NEDD4L: variants seen among roughly 807,000 people sequenced by gnomAD.
The protein encoded by NEDD4L is NEDD4 like E3 ubiquitin protein ligase.
NEDD4L carries 54 observed loss-of-function variants against 148.9 expected under a neutral mutation model. The ratio of observed to expected loss-of-function variants is 0.36; its 90% confidence interval spans 0.29 to 0.45. The LOEUF (loss-of-function observed/expected upper bound fraction) is 0.45, where lower values mean the gene tolerates loss of function less well. Among genes scored for constraint, NEDD4L ranks in the 20% least tolerant of loss-of-function variants. NEDD4L has a pLI of 1.00. For synonymous variants in NEDD4L, 433 were observed against 440.7 expected, an observed-to-expected ratio of 0.98 and a Z score of 0.22; for missense variants, 856 against 1,233.8, an observed-to-expected ratio of 0.69 and a Z score of 4.59.
chr18:58,334,047 A>T (rs1337247115), intron 12 of NEDD4L, 155 bp downstream of exon 12: 1 of 510,836 alleles, frequency 2.0e-6, no homozygotes, highest in East Asian at 3.1e-5. Context: ...AGGAAAGTGG[A>T]TTTCCAATAC....
At chr18:58,368,596 C>T (rs894140576) in intron 22 of NEDD4L, among the ~76,000 whole-genome samples, 1 of 152,168 alleles carries the variant, frequency 6.6e-6, no homozygotes, top group African/African-American at 2.4e-5. Flanking sequence ...ATTGACATTG[C>T]AGTAACTTAT....
intron 16 of NEDD4L, among the ~76,000 whole-genome samples, chr18:58,344,029 T>C (rs2042755633): frequency 6.6e-6 from 1 of 152,252 alleles, no homozygotes; most frequent in South Asian, 2.1e-4. Flanking sequence ...CCTACTATTA[T>C]CTGTGCTACT....
chr18:58,116,986 G>A (rs2145755618), intron 1 of NEDD4L, among the ~76,000 whole-genome samples: 1 of 152,358 alleles, frequency 6.6e-6, no homozygotes, highest in East Asian at 1.9e-4. Context: ...GAATATGCTG[G>A]ACAGAGCTTC....
chr18:58,163,808 A>G (rs905453855), intron 1 of NEDD4L, among the ~76,000 whole-genome samples: 1 of 152,174 alleles, frequency 6.6e-6, no homozygotes, highest in African/African-American at 2.4e-5. Flanking sequence ...ATGTGTGTCC[A>G]TTGCATGAAT....
In NEDD4L at chr18:58,366,140, G is replaced by A. The variant is rs1207997677; in HGVS notation, c.1975G>A (p.Asp659Asn). 1 of 1,613,596 alleles carries A rather than the reference G, an allele frequency of 6.2e-7. No homozygotes were observed. The highest frequency in any genetic ancestry group is 8.5e-7 in the Non-Finnish European group (1 of 1,179,796). ...WIEFESEKGL[D>N]YGGVAREWFF... ...TGAGTTTGAATCAGAGAAAGGTCTT[G>A]ACTATGGGGGTGTGGCCAGAGAATG... The change falls in exon 21 of 31, where the codon GAC becomes AAC. Residue 659 changes from aspartate (D) to asparagine (N), a missense_variant. This residue lies in a region of NEDD4L where 286 missense variants were observed against 531.8 expected (regional missense o/e 0.54). Coordinates refer to ENST00000400345, the MANE Select transcript of NEDD4L (RefSeq NM_001144967.3). This position sits in a 1 kb window ranked among gnomAD's most constrained non-coding sequence, Gnocchi z 4.2.
chr18:58,351,179 G>T, intron 18 of NEDD4L, 134 bp downstream of exon 18: 1 of 1,506,508 alleles, frequency 6.6e-7, no homozygotes. Flanking sequence ...AATGATACCA[G>T]AGAATCAGTG....
At chr18:58,235,366 G>A (rs530891544) in intron 2 of NEDD4L, among the ~76,000 whole-genome samples, 6 of 152,206 alleles carry the variant, frequency 3.9e-5, no homozygotes, top group East Asian at 1.9e-4. Context: ...GCTCAGCAGC[G>A]TCCCTCTCTG....
chr18:58,378,512 A>T (rs1392452015), intron 24 of NEDD4L, among the ~76,000 whole-genome samples: 1 of 152,222 alleles, frequency 6.6e-6, no homozygotes, highest in Non-Finnish European at 1.5e-5. Flanking sequence ...CCTTCAGGCC[A>T]GTCAGGGACA....
At chr18:58,061,669 C>T (rs1488956843) in intron 1 of NEDD4L, among the ~76,000 whole-genome samples, 3 of 151,988 alleles carry the variant, frequency 2.0e-5, no homozygotes, top group Non-Finnish European at 4.4e-5. Context: ...GAACATTTAC[C>T]ATCTTTTGCT....
intron 27 of NEDD4L, 118 bp downstream of exon 27, chr18:58,387,616 G>A (rs925475432): frequency 7.1e-6 from 8 of 1,134,096 alleles, no homozygotes; most frequent in Middle Eastern, 3.0e-4. Context: ...AACTTTAGAT[G>A]AATTATATTA....
At chr18:58,253,705 CTT>C (rs1171023607) in intron 5 of NEDD4L, among the ~76,000 whole-genome samples, 1 of 152,124 alleles carries the variant, frequency 6.6e-6, no homozygotes, top group East Asian at 1.9e-4. Context: ...AAAATGGCCT[CTT>C]GTTTGATGTG....
chr18:58,339,320 T>A lies in NEDD4L; in HGVS notation c.1126-1718T>A, dbSNP rs548246742. On this transcript the variant is annotated intron_variant, in intron 13 of 30. Transcript: ENST00000400345. ...CCAGAGATACTAATTGACCAGGAAC[T>A]TAGGTTACAACTTAGCTCAGCAGGG... is the stretch of plus-strand genomic sequence containing the variant. 5.3e-5 allele frequency among the ~76,000 whole-genome samples: 8 copies of A among 152,282 alleles called. No homozygotes were observed. The South Asian group carries it at 1.2e-3, about 24-fold the overall frequency.
chr18:58,163,279 G>A (rs1254926765), intron 1 of NEDD4L, among the ~76,000 whole-genome samples: 3 of 152,202 alleles, frequency 2.0e-5, no homozygotes, highest in Non-Finnish European at 1.5e-5. Context: ...CATCATTTGA[G>A]CTGAGCAGGC....
intron 2 of NEDD4L, among the ~76,000 whole-genome samples, chr18:58,183,985 T>C (rs529365476): frequency 2.2e-3 from 329 of 152,156 alleles, no homozygotes; most frequent in East Asian, 6.0e-3. Flanking sequence ...CTGGCTAACA[T>C]GGTGAAACCC....
intron 1 of NEDD4L, among the ~76,000 whole-genome samples, chr18:58,074,301 C>A (rs1415637416): frequency 2.0e-5 from 3 of 151,370 alleles, no homozygotes; most frequent in African/African-American, 7.3e-5. Context: ...CACTCTGTCC[C>A]AGGTTGGAGT....
At chr18:58,228,378 T>C (rs2044632250) in intron 2 of NEDD4L, among the ~76,000 whole-genome samples, 1 of 152,228 alleles carries the variant, frequency 6.6e-6, no homozygotes, top group African/African-American at 2.4e-5. Context: ...AGGACATTTC[T>C]AGCAGAGGAG....
chr18:58,321,001 A>G (rs1006615964), intron 6 of NEDD4L, among the ~76,000 whole-genome samples: 16 of 152,174 alleles, frequency 1.1e-4, no homozygotes, highest in Admixed American at 5.9e-4. Flanking sequence ...ACTTCATTCA[A>G]TGATAGTGAA....
At chr18:58,233,724 C>T (rs959220367) in intron 2 of NEDD4L, among the ~76,000 whole-genome samples, 6 of 152,180 alleles carry the variant, frequency 3.9e-5, no homozygotes, top group Admixed American at 6.5e-5. Flanking sequence ...CCTGCCATGG[C>T]AAAGCACTAT....
intron 1 of NEDD4L, among the ~76,000 whole-genome samples, chr18:58,073,145 C>G (rs1174927116): frequency 6.6e-6 from 1 of 151,942 alleles, no homozygotes; most frequent in African/African-American, 2.4e-5. Context: ...AGAAGACTTA[C>G]ATTGTTAATA....
Sources: gnomAD v4.1 joint callset for allele counts (sites outside exome capture counted in the v4.1 genomes callset) on GRCh38, gnomAD v4.1.1 for gene constraint, gnomAD v4.1.1 regional missense constraint, Gnocchi (gnomAD v3.1) non-coding constraint, MANE v1.5 for transcripts, NCBI Gene and HGNC (gene_info 2026-07-23, HGNC 2026-07-21) for gene names.